Variants in GULP1 observed in about 807,000 individuals in gnomAD.
GULP1 encodes the protein PTB domain-containing engulfment adapter protein 1.
In GULP1, 19 loss-of-function variants were observed where a neutral mutation model predicts 40.9. The ratio of observed to expected loss-of-function variants is 0.46; its 90% CI spans 0.32 to 0.68. The LOEUF is 0.68. Ranked by LOEUF, GULP1 falls within the 30% of genes least tolerant of loss-of-function variation. The pLI is 0.03. For synonymous variants in GULP1, 119 were observed against 117.6 expected (o/e 1.01, Z -0.08); for missense variants, 312 against 362.2 (o/e 0.86, Z 1.12).
intron 1 of GULP1, chr2:188,294,053 C>T (rs892191808): frequency 6.6e-6 from 1 of 152,210 alleles, no homozygotes; most frequent in African/African-American, 2.4e-5. Flanking sequence ...CTTTCCTTAT[C>T]AGTGTTGCAG....
chr2:188,529,088 C>T lies in GULP1; in HGVS notation c.163-9C>T. The T allele has an allele frequency of 8.0e-7, 1 of 1,254,794 alleles. No individual in the cohort carries two copies. Among genetic ancestry groups the T allele is most frequent in the South Asian group, 1.3e-5 (1 of 76,752 alleles). 77.7% of individuals were successfully genotyped at this position (1,254,794 alleles called of 1,614,324 possible). On this transcript the variant is annotated splice_polypyrimidine_tract_variant and intron_variant, in intron 5 of 11. Coordinates refer to ENST00000409830, the MANE Select transcript of GULP1 (RefSeq NM_016315.4). ...AAGTGTAGCTTTGTGAATAATTTTT[C>T]ATTCGTAGTTTGCAAGACATATCAA...
chr2:188,344,643 C>G (rs1346344858), intron 1 of GULP1, among the ~76,000 whole-genome samples: 1 of 152,122 alleles, frequency 6.6e-6, no homozygotes, highest in Admixed American at 6.5e-5. Flanking sequence ...GAATTGATTT[C>G]AGAACATGAG....
intron 1 of GULP1, among the ~76,000 whole-genome samples, chr2:188,350,774 T>G (rs1416272408): frequency 6.6e-6 from 1 of 152,158 alleles, no homozygotes; most frequent in Non-Finnish European, 1.5e-5. Context: ...AATACACATT[T>G]TCTGTACACC....
At chr2:188,399,157 C>T (rs1041852561) in intron 2 of GULP1, among the ~76,000 whole-genome samples, 7 of 152,176 alleles carry the variant, frequency 4.6e-5, no homozygotes, top group Non-Finnish European at 7.4e-5. Context: ...ACAAAAAATG[C>T]ATTTTGCTGA....
intron 2 of GULP1, among the ~76,000 whole-genome samples, chr2:188,447,628 C>G (rs1241246428): frequency 1.3e-5 from 2 of 152,110 alleles, no homozygotes; most frequent in Non-Finnish European, 2.9e-5. Context: ...TGCATTAATC[C>G]AGATGCAATC....
chr2:188,299,715 G>A (rs6724636), intron 1 of GULP1, among the ~76,000 whole-genome samples: 88,826 of 152,076 alleles, frequency 0.58, 26,556 homozygotes, highest in East Asian at 0.9. Context: ...CTGAGGTACA[G>A]TGCAGAGGAT....
intron 1 of GULP1, among the ~76,000 whole-genome samples, chr2:188,382,865 T>C (rs2049177227): frequency 6.6e-6 from 1 of 152,158 alleles, no homozygotes; most frequent in Admixed American, 6.5e-5. Flanking sequence ...TGGAAAACGA[T>C]GGCTTTCAAA....
At chr2:188,524,616 C>G (rs1007085619) in intron 5 of GULP1, among the ~76,000 whole-genome samples, 25 of 144,508 alleles carry the variant, frequency 1.7e-4, no homozygotes, top group African/African-American at 6.1e-4. Context: ...TTTTTTTTTG[C>G]TTTTTTTGTG....
chr2:188,544,635 G>T (rs1436795308), intron 7 of GULP1, among the ~76,000 whole-genome samples: 1 of 151,700 alleles, frequency 6.6e-6, no homozygotes, highest in African/African-American at 2.4e-5. Context: ...AGAGGTCAAA[G>T]GAAAAGAATC....
At chr2:188,522,580 A>G (rs1370784296) in intron 4 of GULP1, among the ~76,000 whole-genome samples, 176 bp from the exon 5 acceptor site, 1 of 151,798 alleles carries the variant, frequency 6.6e-6, no homozygotes, top group Non-Finnish European at 1.5e-5. Flanking sequence ...TATAAATGAT[A>G]AAGTTTAGTT....
chr2:188,564,100 T>C (rs1363265874), intron 7 of GULP1, among the ~76,000 whole-genome samples: 1 of 151,936 alleles, frequency 6.6e-6, no homozygotes, highest in Non-Finnish European at 1.5e-5. Flanking sequence ...ATGCTAGGAA[T>C]AGAAGAGACA....
intron 2 of GULP1, among the ~76,000 whole-genome samples, chr2:188,447,341 C>T (rs1286689791): frequency 6.6e-6 from 1 of 152,080 alleles, no homozygotes; most frequent in Non-Finnish European, 1.5e-5. Context: ...ATCTTCCAGC[C>T]CCCATGATGG....
At chr2:188,494,587 G>A (rs2062723013) in intron 4 of GULP1, among the ~76,000 whole-genome samples, 1 of 151,980 alleles carries the variant, frequency 6.6e-6, no homozygotes. Context: ...GTACAGTAGT[G>A]TCCACCCATC....
At chr2:188,455,544 T>C (rs909102304) in intron 2 of GULP1, among the ~76,000 whole-genome samples, 1 of 152,306 alleles carries the variant, frequency 6.6e-6, no homozygotes, top group Non-Finnish European at 1.5e-5. Flanking sequence ...CCTTGCCTTC[T>C]GCCATGATTT....
chr2:188,367,639 C>T (rs1415920947), intron 1 of GULP1, among the ~76,000 whole-genome samples: 2 of 152,080 alleles, frequency 1.3e-5, no homozygotes, highest in African/African-American at 4.8e-5. Context: ...TCTAGGAACT[C>T]AGAAACAGGT....
At chr2:188,583,846 C>G (rs1010123890) in intron 9 of GULP1, among the ~76,000 whole-genome samples, 3 of 152,152 alleles carry the variant, frequency 2.0e-5, no homozygotes, top group Non-Finnish European at 4.4e-5. Context: ...TCACTTATGT[C>G]TAATTATTCC....
intron 1 of GULP1, among the ~76,000 whole-genome samples, chr2:188,360,742 A>AG (rs1231109407): frequency 6.6e-6 from 1 of 152,144 alleles, no homozygotes; most frequent in Non-Finnish European, 1.5e-5. Context: ...AAAGATAGCA[A>AG]GGCATGACAT....
intron 5 of GULP1, among the ~76,000 whole-genome samples, chr2:188,525,341 C>CG (rs935618833): frequency 1.3e-5 from 2 of 151,862 alleles, no homozygotes; most frequent in African/African-American, 4.8e-5. Flanking sequence ...CAGTGAGCCG[C>CG]GATCGCGCCA....
intron 7 of GULP1, among the ~76,000 whole-genome samples, chr2:188,546,148 A>C: frequency 6.6e-6 from 1 of 152,026 alleles, no homozygotes; most frequent in South Asian, 2.1e-4. Flanking sequence ...TTTTACTGGC[A>C]CTTTCCCTCA....
Sources: gnomAD v4.1 joint callset for allele counts (sites outside exome capture counted in the v4.1 genomes callset) on GRCh38, gnomAD v4.1.1 for gene constraint, MANE v1.5 for transcripts, NCBI Gene and HGNC (gene_info 2026-07-23, HGNC 2026-07-21) for gene names.